Variants in TAFA5 observed in about 807,000 individuals in gnomAD.
The protein encoded by TAFA5 is TAFA chemokine like family member 5, also known as chemokine-like protein TAFA-5.
Under a neutral mutation model 15.3 loss-of-function variants are expected in TAFA5, and 6 were observed. That is an observed-to-expected ratio of 0.39 (90% CI 0.21 to 0.77). The LOEUF is 0.77. TAFA5 is among the 30% of genes least tolerant of loss of function. TAFA5 has a pLI of 0.41. For synonymous variants in TAFA5, 103 were observed against 80.7 expected, an observed-to-expected ratio of 1.28 and a Z score of -1.48; for missense variants, 161 against 193.1, an observed-to-expected ratio of 0.83 and a Z score of 0.98.
intron 3 of TAFA5, among the ~76,000 whole-genome samples, chr22:48,724,994 C>G (rs1328604564): frequency 1.3e-5 from 2 of 152,250 alleles, no homozygotes; most frequent in Non-Finnish European, 2.9e-5. Context: ...GCACCAGGAA[C>G]TGTGTTCTTC....
intron 1 of TAFA5, among the ~76,000 whole-genome samples, chr22:48,594,811 G>A (rs1039877801): frequency 6.6e-6 from 1 of 152,196 alleles, no homozygotes; most frequent in Non-Finnish European, 1.5e-5. Context: ...CGCCCTGCCA[G>A]GATGCTCCGC....
At chr22:48,506,345 C>A (rs904268530) in intron 1 of TAFA5, among the ~76,000 whole-genome samples, 1 of 152,236 alleles carries the variant, frequency 6.6e-6, no homozygotes, top group African/African-American at 2.4e-5. Context: ...GCCTTGTGCT[C>A]CATGGGGGAA....
intron 1 of TAFA5, among the ~76,000 whole-genome samples, chr22:48,570,908 GA>G (rs1923559931): frequency 6.6e-6 from 1 of 152,220 alleles, no homozygotes; most frequent in African/African-American, 2.4e-5. Flanking sequence ...TTTCAAGTAT[GA>G]AGGCCTAATG....
intron 1 of TAFA5, among the ~76,000 whole-genome samples, chr22:48,586,629 G>C (rs190090935): frequency 6.6e-6 from 1 of 152,224 alleles, no homozygotes; most frequent in Non-Finnish European, 1.5e-5. Flanking sequence ...AGAGGGATTC[G>C]CACACATTTG....
At position 48,728,740 on chromosome 22, in the gene TAFA5, C is replaced by G. The variant is rs377160054; in HGVS notation, c.390+20896C>G. Among the ~76,000 whole-genome samples the G allele has an allele frequency of 4.9e-4, 74 of 152,192 alleles. 2 individuals are homozygous for G. The South Asian group carries it at 0.015, about 30-fold the overall frequency. ...AAGCGGGAGGAAAAGCCACCCTTCC[C>G]CTCAAAGAGGAGAAAACAGCTGGTA... On this transcript the variant is annotated intron_variant, in intron 3 of 3. Coordinates refer to ENST00000402357, the MANE Select transcript of TAFA5 (RefSeq NM_001082967.3).
chr22:48,699,145 C>G (rs1008199177), intron 2 of TAFA5, among the ~76,000 whole-genome samples: 1 of 152,000 alleles, frequency 6.6e-6, no homozygotes, highest in Non-Finnish European at 1.5e-5. Flanking sequence ...GTTGGCCAGG[C>G]TGGTCTCGAA....
chr22:48,528,066 T>TGGGCCCCCCG (rs1160283426), intron 1 of TAFA5, among the ~76,000 whole-genome samples: 2 of 152,318 alleles, frequency 1.3e-5, no homozygotes, highest in East Asian at 3.9e-4. Flanking sequence ...CTTGGCCGCC[T>TGGGCCCCCCG]GGGCCCCCCG....
rs544526343 is a variant in TAFA5, at chr22:48,710,433, C to G, written c.390+2589C>G. Among the ~76,000 whole-genome samples, 5 of 152,296 alleles carry G rather than the reference C, an allele frequency of 3.3e-5. No individual in the cohort carries two copies. The East Asian group carries it at 9.7e-4, about 29-fold the overall frequency. ...TTCTCCTCTCTCCTCCCCTGTAGTT[C>G]TTCAGCACCTGAGTCATTCTCATGA... is the stretch of plus-strand genomic sequence containing the variant. On this transcript the variant is annotated intron_variant, in intron 3 of 3. Transcript: ENST00000402357.
At chr22:48,639,892 T>G (rs185855991) in intron 1 of TAFA5, among the ~76,000 whole-genome samples, 316 of 152,138 alleles carry the variant, frequency 2.1e-3, no homozygotes, top group African/African-American at 7.3e-3. Flanking sequence ...CCGGATGCTT[T>G]CTCCATTGCT....
intron 3 of TAFA5, among the ~76,000 whole-genome samples, chr22:48,721,111 C>G (rs551780295): frequency 7.9e-5 from 12 of 152,316 alleles, no homozygotes; most frequent in Admixed American, 3.9e-4. Context: ...AGCTCCATCT[C>G]GATGGGTGAG....
intron 1 of TAFA5, among the ~76,000 whole-genome samples, chr22:48,576,965 C>G (rs1420182679): frequency 6.6e-6 from 1 of 152,108 alleles, no homozygotes; most frequent in Non-Finnish European, 1.5e-5. Context: ...GGTGGCCGGC[C>G]GGGCTGGGGC....
chr22:48,597,210 CGTGTCCCCAGA>C (rs1163541180), intron 1 of TAFA5, among the ~76,000 whole-genome samples: 3 of 152,228 alleles, frequency 2.0e-5, no homozygotes, highest in South Asian at 4.1e-4. Flanking sequence ...CTTCCCTGAG[CGTGTCCCCAGA>C]GTGTCCCCAG....
intron 3 of TAFA5, among the ~76,000 whole-genome samples, chr22:48,739,484 T>A (rs1321343259): frequency 6.6e-6 from 1 of 152,162 alleles, no homozygotes; most frequent in Non-Finnish European, 1.5e-5. Flanking sequence ...AGCGAATGCC[T>A]GTGCACACTA....
At chr22:48,633,528 G>C (rs71311641) in intron 1 of TAFA5, among the ~76,000 whole-genome samples, 95,789 of 132,432 alleles carry the variant, frequency 0.72, 32,027 homozygotes, top group African/African-American at 0.76. Context: ...CTGTCTGTCT[G>C]TCTGTCTCTC....
chr22:48,636,547 G>GCCTGTGTGGA (rs1926451660), intron 1 of TAFA5, among the ~76,000 whole-genome samples: 1 of 126,614 alleles, frequency 7.9e-6, no homozygotes, highest in Non-Finnish European at 1.7e-5. Flanking sequence ...ACCTGTGTGG[G>GCCTGTGTGGA]TCGCTCCGAG....
chr22:48,542,370 GGTGTGTGGTGTGTGT>G lies in TAFA5; in HGVS notation c.112+52672_112+52686del, dbSNP rs1922440827. 3.3e-5 allele frequency among the ~76,000 whole-genome samples: 4 copies of G among 121,076 alleles called. No homozygotes were observed. The South Asian group carries it at 1.2e-3, about 37-fold the overall frequency. The allele number at this position is 121,076 out of a possible 152,430, so 79.4% of individuals were successfully genotyped here. ...GTGTGTGTGCATATGTGTGTGTGCGGGTGTGTGGTGTGTGTGTGTGGTGTGTGTGTGCGTGTGTGG... is the reference window on the plus strand; with the variant it reads ...GTGTGTGTGCATATGTGTGTGTGCGGGTGTGGTGTGTGTGTGCGTGTGTGG... On this transcript the variant is annotated intron_variant, in intron 1 of 3. Transcript: ENST00000402357.
intron 1 of TAFA5, among the ~76,000 whole-genome samples, chr22:48,618,482 T>G (rs566936691): frequency 1.3e-5 from 2 of 152,380 alleles, no homozygotes; most frequent in East Asian, 1.9e-4. Flanking sequence ...CGGGGATGGC[T>G]TTGCCTGGTG....
chr22:48,707,599 C>A, intron 2 of TAFA5, 118 bp from the exon 3 acceptor site: 1 of 1,268,164 alleles, frequency 7.9e-7, no homozygotes, highest in Non-Finnish European at 1.1e-6. Flanking sequence ...CTGGGTGGAG[C>A]CACGCCGGGC....
chr22:48,551,647 G>A (rs1055469198), intron 1 of TAFA5, among the ~76,000 whole-genome samples: 8 of 152,276 alleles, frequency 5.3e-5, no homozygotes, highest in African/African-American at 1.4e-4. Flanking sequence ...CGATGTGCAT[G>A]GGGTCCTAAG....
Sources: allele counts gnomAD v4.1 joint callset (sites outside exome capture counted in the v4.1 genomes callset), GRCh38; gene constraint gnomAD v4.1.1; transcripts MANE v1.5; gene names NCBI Gene and HGNC (gene_info 2026-07-23, HGNC 2026-07-21).